Variants in AQR observed in about 807,000 individuals in gnomAD.
AQR encodes the protein aquarius intron-binding spliceosomal factor, also known as RNA helicase aquarius.
AQR carries 61 observed loss-of-function variants against 180.5 expected under a neutral mutation model. That is an observed-to-expected ratio of 0.34 (90% CI 0.28 to 0.42). The LOEUF is 0.42. AQR is among the 10% of genes least tolerant of loss of function. AQR has a pLI of 1.00. For missense variants in AQR, 1,281 were observed against 1,798.3 expected (o/e 0.71, Z 5.20); for synonymous variants, 551 against 588.8 (o/e 0.94, Z 0.93).
rs528010817 is a variant in AQR, at chr15:34,920,468, AACTT to A, written c.1119-38_1119-35del. 990 of 1,468,010 alleles carry A rather than the reference AACTT, an allele frequency of 6.7e-4. 1 individual carries two copies. Among genetic ancestry groups the A allele is most frequent in the Middle Eastern group, 1.9e-3 (11 of 5,754 alleles). The allele number at this position is 1,468,010 out of a possible 1,614,324, so 90.9% of individuals were successfully genotyped here. A position where few individuals can be genotyped will look rare whatever the true frequency, so the allele number is the denominator to read the frequency against. ...TAGAGAACAATATTTTATTCATAGT[AACTT>A]ACTTCACTTCACTTTTGAAACATGT... On this transcript the variant is annotated intron_variant, in intron 13 of 34. Coordinates refer to ENST00000156471, the MANE Select transcript of AQR (RefSeq NM_014691.3).
chr15:34,889,471 G>T (rs1351875642), intron 24 of AQR, among the ~76,000 whole-genome samples: 2 of 152,040 alleles, frequency 1.3e-5, no homozygotes, highest in Admixed American at 6.5e-5. Context: ...TTTAAAAATG[G>T]ATTTAAATAT....
At chr15:34,895,185 A>C (rs866801268) in intron 22 of AQR, among the ~76,000 whole-genome samples, 1 of 27,656 alleles carries the variant, frequency 3.6e-5, no homozygotes, top group Non-Finnish European at 9.1e-5. Context: ...AAAAAAAAAA[A>C]AAATATATAT....
At chr15:34,962,402 A>T (rs2050284898) in intron 2 of AQR, among the ~76,000 whole-genome samples, 1 of 152,212 alleles carries the variant, frequency 6.6e-6, no homozygotes, top group Non-Finnish European at 1.5e-5. Flanking sequence ...GATAAGGAAA[A>T]CAAGTCTTGT....
intron 23 of AQR, among the ~76,000 whole-genome samples, chr15:34,892,276 T>C (rs1893160349): frequency 1.3e-5 from 2 of 152,232 alleles, no homozygotes; most frequent in African/African-American, 2.4e-5. Flanking sequence ...CTTCATGTAA[T>C]ACAGGTGTAC....
chr15:34,967,766 A>ATTTC (rs1847664931), intron 1 of AQR, among the ~76,000 whole-genome samples: 1 of 152,164 alleles, frequency 6.6e-6, no homozygotes, highest in Admixed American at 6.5e-5. Flanking sequence ...ACTATGAAGG[A>ATTTC]TTTCAGCCGT....
intron 5 of AQR, among the ~76,000 whole-genome samples, chr15:34,946,131 C>T (rs141746293): frequency 0.019 from 2,905 of 152,160 alleles, 44 homozygotes; most frequent in Middle Eastern, 0.061. Context: ...ATTAGCTGGG[C>T]ATGGTGGCGG....
chr15:34,893,607 GCACACACACACACACACACACACACACA>G (rs386382691), intron 23 of AQR, 28 bp downstream of exon 23: 4 of 997,680 alleles, frequency 4.0e-6, no homozygotes, highest in Non-Finnish European at 6.0e-6. Flanking sequence ...GCGCATGCGT[GCACACACACACACACACACACACACACA>G]CACACACACA....
intron 4 of AQR, among the ~76,000 whole-genome samples, chr15:34,948,642 A>G (rs1045617517): frequency 2.0e-5 from 3 of 151,906 alleles, no homozygotes; most frequent in Admixed American, 6.6e-5. Flanking sequence ...TCTACTAAAA[A>G]TACAAAAATT....
intron 18 of AQR, 155 bp downstream of exon 18, chr15:34,906,390 C>T (rs111417408): frequency 2.3e-4 from 184 of 806,820 alleles, no homozygotes; most frequent in African/African-American, 1.8e-3. Context: ...TAAAACTGCA[C>T]GGTAGGTACC....
At chr15:34,886,886 A>T (rs1269293115) in intron 24 of AQR, among the ~76,000 whole-genome samples, 1 of 152,020 alleles carries the variant, frequency 6.6e-6, no homozygotes, top group African/African-American at 2.4e-5. Context: ...CACTTCGGGG[A>T]GGCTGAGGCG....
chr15:34,950,338 T>C (rs1178991642), intron 4 of AQR, among the ~76,000 whole-genome samples: 1 of 152,134 alleles, frequency 6.6e-6, no homozygotes, highest in Admixed American at 6.5e-5. Context: ...TCCACCCGCC[T>C]TGGCCTCCCA....
At chr15:34,871,683 T>C (rs1357898283) in intron 30 of AQR, among the ~76,000 whole-genome samples, 2 of 152,230 alleles carry the variant, frequency 1.3e-5, no homozygotes, top group Non-Finnish European at 2.9e-5. Flanking sequence ...TCCTTCCTCA[T>C]GTTTCTTAAT....
At chr15:34,936,039 G>A (rs534538016) in intron 9 of AQR, among the ~76,000 whole-genome samples, 7 of 152,246 alleles carry the variant, frequency 4.6e-5, no homozygotes, top group African/African-American at 1.4e-4. Flanking sequence ...GACTAAAGTT[G>A]CATGTTTTTT....
intron 32 of AQR, among the ~76,000 whole-genome samples, chr15:34,866,670 G>A (rs1298530057): frequency 6.6e-6 from 1 of 152,080 alleles, no homozygotes; most frequent in African/African-American, 2.4e-5. Context: ...CATTCAGATG[G>A]CAGTTATAAA....
chr15:34,863,422 T>C (rs555497055), intron 32 of AQR, among the ~76,000 whole-genome samples: 6 of 152,268 alleles, frequency 3.9e-5, no homozygotes, highest in African/African-American at 1.4e-4. Flanking sequence ...CCAGGCTCCA[T>C]TAAGGTAAAA....
Position 34,877,375 on chromosome 15 carries a change from G to GAGCAT in AQR, c.3166-1374_3166-1370dup, listed in dbSNP as rs566662140. Among the ~76,000 whole-genome samples the GAGCAT allele has an allele frequency of 1.1e-4, 16 of 152,286 alleles. 1 individual carries two copies. In the South Asian group the frequency reaches 3.3e-3, roughly 32 times the overall value. On this transcript the variant is annotated intron_variant, in intron 27 of 34. Coordinates refer to ENST00000156471, the MANE Select transcript of AQR (RefSeq NM_014691.3). ...TTTCCAGGGAGGTGGGAGATGGGGA[G>GAGCAT]AGCATATTTACTCTGAATGTTTGAT...
intron 10 of AQR, among the ~76,000 whole-genome samples, chr15:34,932,689 G>A (rs1433253366): frequency 3.9e-5 from 6 of 152,208 alleles, no homozygotes; most frequent in Non-Finnish European, 5.9e-5. Context: ...GCCGGGCGCG[G>A]TGGCTCATGC....
chr15:34,920,540 A>C, intron 13 of AQR, 106 bp from the exon 14 acceptor site: 1 of 777,756 alleles, frequency 1.3e-6, no homozygotes, highest in Middle Eastern at 3.2e-4. Context: ...ATACTATGAC[A>C]TGGGCAGCAA....
chr15:34,918,515 TC>T, intron 14 of AQR, 137 bp from the exon 15 acceptor site: 2 of 960,280 alleles, frequency 2.1e-6, no homozygotes, highest in Non-Finnish European at 3.0e-6. Flanking sequence ...TCCTATTTTC[TC>T]CATAGATCAA....
Sources: gnomAD v4.1 joint callset for allele counts (sites outside exome capture counted in the v4.1 genomes callset) on GRCh38, gnomAD v4.1.1 for gene constraint, MANE v1.5 for transcripts, NCBI Gene and HGNC (gene_info 2026-07-23, HGNC 2026-07-21) for gene names.